The following NFKBIL1 variants were observed in gnomAD, a reference collection of about 807,000 sequenced individuals.
The protein encoded by NFKBIL1 is NFKB inhibitor like 1, also known as NF-kappa-B inhibitor-like protein 1.
A neutral mutation model predicts 45.4 loss-of-function variants in NFKBIL1; 30 were observed. The observed-to-expected ratio is 0.66, with a 90% CI of 0.49 to 0.90. The LOEUF (loss-of-function observed/expected upper bound fraction) is 0.90, where lower values mean the gene tolerates loss of function less well. NFKBIL1 is among the 40% of genes least tolerant of loss of function. NFKBIL1 has a pLI of 0.00. For synonymous variants in NFKBIL1, 179 were observed against 197.3 expected, an observed-to-expected ratio of 0.91 and a Z score of 0.78; for missense variants, 434 against 513.4, an observed-to-expected ratio of 0.85 and a Z score of 1.49.
chr6:31,555,771 C>T (rs981286862), intron 2 of NFKBIL1, among the ~76,000 whole-genome samples: 6 of 149,304 alleles, frequency 4.0e-5, no homozygotes, highest in South Asian at 2.1e-4. Flanking sequence ...TCAGCCACCA[C>T]GCCTGGCTAA....
chr6:31,550,103 A>G lies in NFKBIL1; in HGVS notation c.334+1664A>G, dbSNP rs372578241. 3.8e-4 allele frequency among the ~76,000 whole-genome samples: 58 copies of G among 152,114 alleles called. No homozygotes were observed. In the South Asian group the frequency reaches 0.011, roughly 30 times the overall value. On this transcript the variant is annotated intron_variant, in intron 2 of 3. Transcript: ENST00000376148. ...GTAGTCTCAGCTACTTGGGAGGCTG[A>G]GGCAGGAGAATCACTTGAACCCGGA...
Position 31,548,366 on chromosome 6 carries a change from CG to C in NFKBIL1, c.265del (p.Ala89LeufsTer33). 1.3e-6 allele frequency: 2 copies of C among 1,579,132 alleles called. No individual in the cohort carries two copies. The highest frequency in any genetic ancestry group is 1.1e-5 in the South Asian group (1 of 87,972). ...APALCLLLRL[G>X]ADPAHQDRHG... ...CTGCCCTGTGCCTGCTGCTTCGGCTCGGGGCTGACCCTGCCCACCAGGACCG... is the reference window on the plus strand; with the variant it reads ...CTGCCCTGTGCCTGCTGCTTCGGCTCGGGCTGACCCTGCCCACCAGGACCG... On this transcript the variant is annotated frameshift_variant, in exon 2 of 4. Transcript: ENST00000376148. LOFTEE classifies it high-confidence loss of function.
chr6:31,547,653 C>T lies in NFKBIL1; in HGVS notation c.-42C>T, dbSNP rs2516385. Reference sequence around the variant, plus strand: ...GAGCTTCTTAAACACAGGCCTTGGGCCTACGGCTCTGGGGGTACTTGGGGG... The same window carrying T: ...GAGCTTCTTAAACACAGGCCTTGGGTCTACGGCTCTGGGGGTACTTGGGGG... On this transcript the variant is annotated 5_prime_UTR_variant, in exon 1 of 4. Transcript: ENST00000376148. The T allele has an allele frequency of 1.3e-6, 2 of 1,491,958 alleles. No homozygotes were observed. The highest frequency in any genetic ancestry group is 1.9e-6 in the Non-Finnish European group (2 of 1,079,312). 92.4% of individuals were successfully genotyped at this position (1,491,958 alleles called of 1,614,324 possible).
rs1381538577 is a variant in NFKBIL1, at chr6:31,557,658, G to A, written c.365G>A (p.Ser122Asn). The A allele has an allele frequency of 6.4e-7, 1 of 1,560,268 alleles. No individual in the cohort carries two copies. Among genetic ancestry groups the A allele is most frequent in the Admixed American group, 1.8e-5 (1 of 54,216 alleles). The change falls in exon 3 of 4, where the codon AGC becomes AAC. Residue 122 changes from serine (S) to asparagine (N), a missense_variant. Physicochemically the swap from Ser to Asn is conservative, Grantham distance 46. Coordinates refer to ENST00000376148, the MANE Select transcript of NFKBIL1 (RefSeq NM_005007.4). This position sits in a 1 kb window ranked among gnomAD's most constrained non-coding sequence, Gnocchi z 5.4. ...ACCGATTTCTTCCTCCCGCTGCTAA[G>A]CCGCTGTCCCTCCGCCATGGGAATA... ...AYTDFFLPLL[S>N]RCPSAMGIKN...
chr6:31,551,872 C>T (rs1769445554), intron 2 of NFKBIL1, among the ~76,000 whole-genome samples: 1 of 152,166 alleles, frequency 6.6e-6, no homozygotes, highest in Admixed American at 6.5e-5. Context: ...TCTTGACTCA[C>T]TGCCACCTCC....
chr6:31,548,351 C>A lies in NFKBIL1; in HGVS notation c.246C>A (p.Cys82Ter). 6.3e-7 allele frequency: 1 copy of A among 1,594,542 alleles called. No individual in the cohort carries two copies. The highest frequency in any genetic ancestry group is 8.5e-7 in the Non-Finnish European group (1 of 1,170,878). ...ACARHDAPALCLLLRLGADPA... is the reference protein window; with the variant it reads ...ACARHDAPAL ...CCCGCCACGATGCCCCTGCCCTGTG[C>A]CTGCTGCTTCGGCTCGGGGCTGACC... Residue 82 changes from cysteine (C) to a stop codon, truncating the protein, a stop_gained, in exon 2 of 4, where the codon TGC becomes TGA. Coordinates refer to ENST00000376148, the MANE Select transcript of NFKBIL1 (RefSeq NM_005007.4). LOFTEE classifies it high-confidence loss of function.
In NFKBIL1 at chr6:31,558,122, A is replaced by G. The variant is rs759742396; in HGVS notation, c.657A>G (p.Glu219=). The change falls in exon 4 of 4, where the codon GAA becomes GAG. Residue 219 remains glutamate (E), a synonymous_variant. Coordinates refer to ENST00000376148, the MANE Select transcript of NFKBIL1 (RefSeq NM_005007.4). The surrounding 1 kb of genome is among the most constrained non-coding windows in gnomAD (Gnocchi z 7.2). ...AGAAGTGCCAGCAGCAGCAGCGAGA[A>G]GCAGAGGGATCCCGTCGACCCCCAC... ...HAQKCQQQQR[E]AEGSRRPPRA... is the part of the protein sequence containing the mutation. The G allele has an allele frequency of 8.7e-6, 14 of 1,612,320 alleles. No homozygotes were observed. In the African/African-American group the frequency reaches 1.6e-4, roughly 18 times the overall value.
chr6:31,549,579 C>G (rs866151354), intron 2 of NFKBIL1, among the ~76,000 whole-genome samples: 2 of 151,046 alleles, frequency 1.3e-5, no homozygotes, highest in African/African-American at 4.9e-5. Context: ...ATCAACAGGT[C>G]CATACTCCCT....
At chr6:31,555,909 C>G (rs867718024) in intron 2 of NFKBIL1, among the ~76,000 whole-genome samples, 3 of 149,308 alleles carry the variant, frequency 2.0e-5, no homozygotes, top group African/African-American at 7.4e-5. Flanking sequence ...TCCCCCCCCC[C>G]CAGCCTCCCA....
chr6:31,557,998 C>T lies in NFKBIL1; in HGVS notation c.557-24C>T. 6.7e-7 allele frequency: 1 copy of T among 1,494,060 alleles called. No individual in the cohort carries two copies. 92.6% of individuals were successfully genotyped at this position (1,494,060 alleles called of 1,614,324 possible). A position where few individuals can be genotyped will look rare whatever the true frequency, so the allele number is the denominator to read the frequency against. On this transcript the variant is annotated intron_variant, in intron 3 of 3. Coordinates refer to ENST00000376148, the MANE Select transcript of NFKBIL1 (RefSeq NM_005007.4). This position sits in a 1 kb window ranked among gnomAD's most constrained non-coding sequence, Gnocchi z 5.4. ...CCTTCTCACAGCCTCTCTCCAACTA[C>T]CCCCATCCCACCCTCCCAAACAGGT...
intron 2 of NFKBIL1, among the ~76,000 whole-genome samples, chr6:31,555,904 C>G (rs1042897298): frequency 2.0e-5 from 3 of 151,378 alleles, no homozygotes; most frequent in African/African-American, 4.8e-5. Context: ...CATTGTCCCC[C>G]CCCCCCAGCC....
chr6:31,552,993 C>T (rs773180746), intron 2 of NFKBIL1, among the ~76,000 whole-genome samples: 1 of 150,358 alleles, frequency 6.7e-6, no homozygotes, highest in Non-Finnish European at 1.5e-5. Flanking sequence ...CGTGAGCCAC[C>T]GCGCCAGGCC....
chr6:31,548,238 C>G lies in NFKBIL1; in HGVS notation c.133C>G (p.Arg45Gly). The stretch of plus-strand genomic sequence containing the variant: ...CTTTCGTCGTTACTTGTCTGCAGGA[C>G]GGCTGGTCCGGGCCCAGGCCCTCCT... Reference protein sequence around the residue: ...RRFRRYLSAGRLVRAQALLQR... With the variant: ...RRFRRYLSAGGLVRAQALLQR... Residue 45 changes from arginine to glycine, a missense_variant, in exon 2 of 4, where the codon CGG becomes GGG. By Grantham distance (125) the Arg-to-Gly change is moderately radical. Coordinates refer to ENST00000376148, the MANE Select transcript of NFKBIL1 (RefSeq NM_005007.4). 1 of 1,613,132 alleles carries G rather than the reference C, an allele frequency of 6.2e-7. No individual in the cohort carries two copies. Among genetic ancestry groups the G allele is most frequent in the Non-Finnish European group, 8.5e-7 (1 of 1,180,048 alleles).
intron 2 of NFKBIL1, among the ~76,000 whole-genome samples, chr6:31,553,750 G>C (rs1180643902): frequency 6.6e-6 from 1 of 152,106 alleles, no homozygotes; most frequent in Non-Finnish European, 1.5e-5. Context: ...TGCAACCTCT[G>C]CCTCCCGGGT....
intron 2 of NFKBIL1, among the ~76,000 whole-genome samples, chr6:31,552,151 T>A (rs1769462049): frequency 6.6e-6 from 1 of 152,244 alleles, no homozygotes; most frequent in Non-Finnish European, 1.5e-5. Context: ...CAGGCTGGTC[T>A]CAAACTCCTG....
At chr6:31,552,599 T>A (rs1404978754) in intron 2 of NFKBIL1, among the ~76,000 whole-genome samples, 2 of 151,928 alleles carry the variant, frequency 1.3e-5, no homozygotes, top group Non-Finnish European at 2.9e-5. Flanking sequence ...AATGTTTTTA[T>A]GTTTATTTTT....
At chr6:31,555,900 C>T (rs1211994531) in intron 2 of NFKBIL1, among the ~76,000 whole-genome samples, 4 of 78,412 alleles carry the variant, frequency 5.1e-5, no homozygotes, top group Non-Finnish European at 1.1e-4. Context: ...GATCCATTGT[C>T]CCCCCCCCCC....
chr6:31,546,953 G>T (rs965836659), upstream of NFKBIL1: 6 of 212,184 alleles, frequency 2.8e-5, no homozygotes, highest in African/African-American at 1.4e-4. This position sits in a 1 kb window ranked among gnomAD's most constrained non-coding sequence, Gnocchi z 4.1. Context: ...AAGCATAAAG[G>T]GTTGTGAATG....
intron 2 of NFKBIL1, among the ~76,000 whole-genome samples, chr6:31,554,518 A>G (rs148796440): frequency 9.0e-4 from 137 of 152,366 alleles, no homozygotes; most frequent in Middle Eastern, 6.8e-3. Context: ...ATAATTTCCA[A>G]AGAAAAAGTG....
Sources: gnomAD v4.1 joint callset for allele counts (sites outside exome capture counted in the v4.1 genomes callset) on GRCh38, gnomAD v4.1.1 for gene constraint, Gnocchi (gnomAD v3.1) non-coding constraint, MANE v1.5 for transcripts, NCBI Gene and HGNC (gene_info 2026-07-23, HGNC 2026-07-21) for gene names.